Variants in LAMA2 observed in about 807,000 individuals in gnomAD.
LAMA2 encodes laminin subunit alpha 2.
LAMA2 carries 269 observed loss-of-function variants against 364.8 expected under a neutral mutation model. That is an observed-to-expected ratio of 0.74 (90% CI 0.67 to 0.82). The LOEUF (loss-of-function observed/expected upper bound fraction) is 0.82. Among genes scored for constraint, LAMA2 ranks in the 40% least tolerant of loss-of-function variants. LAMA2 has a pLI of 0.00. For missense variants in LAMA2, 3,807 were observed against 3,873.2 expected (o/e 0.98, Z 0.45); for synonymous variants, 1,379 against 1,370.6 (o/e 1.01, Z -0.14).
intron 18 of LAMA2, among the ~76,000 whole-genome samples, chr6:129,281,503 C>G (rs1788715644): frequency 1.3e-5 from 2 of 152,120 alleles, no homozygotes; most frequent in South Asian, 2.1e-4. Flanking sequence ...TAATTTAAAA[C>G]CCTACATTTT....
At chr6:129,429,718 C>T (rs1369348834) in intron 41 of LAMA2, among the ~76,000 whole-genome samples, 1 of 152,180 alleles carries the variant, frequency 6.6e-6, no homozygotes, top group African/African-American at 2.4e-5. Context: ...CTTCCTATCT[C>T]ATACCCTTGC....
intron 3 of LAMA2, among the ~76,000 whole-genome samples, chr6:129,065,843 T>C (rs1489741373): frequency 1.3e-5 from 2 of 151,980 alleles, no homozygotes; most frequent in Non-Finnish European, 2.9e-5. Flanking sequence ...GTCGTGGTAG[T>C]GAAAAGTCTC....
At chr6:129,126,556 A>G (rs1023251592) in intron 4 of LAMA2, among the ~76,000 whole-genome samples, 1 of 152,188 alleles carries the variant, frequency 6.6e-6, no homozygotes, top group African/African-American at 2.4e-5. Context: ...CTTTTACAAT[A>G]TCATAAATAA....
chr6:129,043,640 C>T (rs910363766), intron 1 of LAMA2, among the ~76,000 whole-genome samples: 1 of 152,140 alleles, frequency 6.6e-6, no homozygotes, highest in African/African-American at 2.4e-5. Flanking sequence ...TGCTTTTTCT[C>T]ATAAGTATGA....
Position 129,502,737 on chromosome 6 carries a change from G to C in LAMA2, c.8323G>C (p.Ala2775Pro). The C allele has an allele frequency of 6.2e-7, 1 of 1,613,676 alleles. No homozygotes were observed. The highest frequency in any genetic ancestry group is 1.1e-5 in the South Asian group (1 of 91,064). ...QFGLSRNSHI[A>P]IAFDDTKVKN... ...CGGGCTTTCAAGAAACAGTCACATT[G>C]CAATTGCATTTGATGACACCAAAGT... Residue 2775 changes from alanine to proline, a missense_variant, in exon 59 of 65, where the codon GCA becomes CCA. By Grantham distance (27) the Ala-to-Pro change is conservative. This residue lies in a region of LAMA2 where 3,333 missense variants were observed against 3,345.7 expected (regional missense o/e 1.00). Coordinates refer to ENST00000421865, the MANE Select transcript of LAMA2 (RefSeq NM_000426.4).
intron 9 of LAMA2, among the ~76,000 whole-genome samples, chr6:129,167,205 C>T (rs1160786565): frequency 6.6e-6 from 1 of 151,658 alleles, no homozygotes; most frequent in Non-Finnish European, 1.5e-5. Context: ...TACATGTGCA[C>T]AATGTGCAGG....
In LAMA2 at chr6:128,960,272, A is replaced by G. The variant is rs117073313; in HGVS notation, c.112+76915A>G. ...TCTATGGAACTCTTCTTTGTTAGAT[A>G]TTGAATTTCATGGATTAATCCCCTA... On this transcript the variant is annotated intron_variant, in intron 1 of 64. Transcript: ENST00000421865. 6.3e-3 allele frequency among the ~76,000 whole-genome samples: 946 copies of G among 149,850 alleles called. 11 individuals carry two copies. The highest frequency in any genetic ancestry group is 0.012 in the South Asian group (58 of 4,728).
At chr6:129,211,345 T>C (rs1176948033) in intron 12 of LAMA2, among the ~76,000 whole-genome samples, 1 of 151,550 alleles carries the variant, frequency 6.6e-6, no homozygotes, top group African/African-American at 2.4e-5. Context: ...GCTACGTAAT[T>C]TCTTACCTAT....
At position 128,883,301 on chromosome 6, in the gene LAMA2, G is replaced by T. The variant is rs1775916031; in HGVS notation, c.56G>T (p.Gly19Val). 1.3e-6 allele frequency: 2 copies of T among 1,591,942 alleles called. No individual in the cohort carries two copies. Among genetic ancestry groups the T allele is most frequent in the Non-Finnish European group, 1.7e-6 (2 of 1,169,464 alleles). ...LLLLLSGGLG[G>V]VQAQRPQQQR... ...CTGCTGCTCTCCGGAGGCCTCGGGG[G>T]CGTACAGGCGCAGCGGCCGCAGCAG... The change falls in exon 1 of 65, where the codon GGC (glycine) becomes GTC (valine). Residue 19 changes from glycine (G) to valine (V), a missense_variant. Gly to Val is a moderately radical substitution (Grantham distance 109, BLOSUM62 -3). Transcript: ENST00000421865.
intron 12 of LAMA2, among the ~76,000 whole-genome samples, chr6:129,238,031 G>C (rs970537209): frequency 2.6e-5 from 4 of 150,984 alleles, no homozygotes; most frequent in African/African-American, 9.7e-5. Context: ...CAGGCATGGT[G>C]GTGCACACCT....
chr6:129,419,855 T>C (rs576205961), intron 40 of LAMA2, among the ~76,000 whole-genome samples: 1 of 152,232 alleles, frequency 6.6e-6, no homozygotes, highest in East Asian at 1.9e-4. Flanking sequence ...AGCCGTCTCT[T>C]TGGGGTGTTT....
intron 62 of LAMA2, 106 bp from the exon 63 acceptor site, chr6:129,512,257 A>C: frequency 1.9e-6 from 2 of 1,070,762 alleles, no homozygotes; most frequent in Non-Finnish European, 2.8e-6. Flanking sequence ...CATTAGAATT[A>C]GCTAGCATTT....
intron 4 of LAMA2, among the ~76,000 whole-genome samples, chr6:129,106,747 T>TTATATTTTAAA (rs1775845015): frequency 1.3e-5 from 2 of 151,698 alleles, no homozygotes; most frequent in South Asian, 4.1e-4. Context: ...TTATTTAAGG[T>TTATATTTTAAA]AATTTATTGT....
chr6:129,223,476 G>A (rs1216119060), intron 12 of LAMA2, among the ~76,000 whole-genome samples: 1 of 152,158 alleles, frequency 6.6e-6, no homozygotes, highest in African/African-American at 2.4e-5. Context: ...ATGGTTTTAT[G>A]TCTAACATTT....
intron 4 of LAMA2, among the ~76,000 whole-genome samples, chr6:129,103,675 G>C (rs1304485150): frequency 1.3e-5 from 2 of 152,048 alleles, no homozygotes; most frequent in Admixed American, 6.5e-5. Flanking sequence ...CTGGATTTTG[G>C]GAACCAATAC....
At chr6:129,140,703 C>A (rs572190471) in intron 4 of LAMA2, among the ~76,000 whole-genome samples, 2 of 151,908 alleles carry the variant, frequency 1.3e-5, no homozygotes, top group Non-Finnish European at 2.9e-5. Context: ...GTGGAAATAT[C>A]CTATCCAACA....
chr6:129,385,379 G>C (rs1778957385), intron 35 of LAMA2, among the ~76,000 whole-genome samples: 1 of 151,262 alleles, frequency 6.6e-6, no homozygotes, highest in Non-Finnish European at 1.5e-5. Context: ...CTCACCAAAG[G>C]CTTTAAAGTA....
At chr6:129,514,862 G>T (rs1331512820) in intron 64 of LAMA2, among the ~76,000 whole-genome samples, 2 of 152,134 alleles carry the variant, frequency 1.3e-5, no homozygotes, top group Non-Finnish European at 2.9e-5. Context: ...AATGAATTTG[G>T]CTTATAAAAG....
intron 13 of LAMA2, among the ~76,000 whole-genome samples, chr6:129,251,072 CTCTCTATATATATATA>C (rs1438899574): frequency 1.4e-4 from 9 of 65,080 alleles, no homozygotes; most frequent in Admixed American, 1.8e-4. Flanking sequence ...CTCTCTCTCT[CTCTCTATATATATATA>C]TATATATATA....
Sources: allele counts gnomAD v4.1 joint callset (sites outside exome capture counted in the v4.1 genomes callset), GRCh38; gene constraint gnomAD v4.1.1; regional missense constraint gnomAD v4.1.1; transcripts MANE v1.5; gene names NCBI Gene and HGNC (gene_info 2026-07-23, HGNC 2026-07-21).